Variants in MOK observed in about 807,000 individuals in gnomAD.
The protein encoded by MOK is MAPK/MAK/MRK overlapping kinase.
A neutral mutation model predicts 54.2 loss-of-function variants in MOK; 59 were observed. That is an observed-to-expected ratio of 1.09 (90% CI 0.88 to 1.35). The LOEUF (loss-of-function observed/expected upper bound fraction) is 1.35, where lower values mean the gene tolerates loss of function less well. Ranked by LOEUF, MOK falls within the 40% of genes most tolerant of loss-of-function variation. The probability of loss-of-function intolerance (pLI) is 0.00; values close to 1 mark genes in which losing one functional copy is unlikely to be tolerated. For missense variants in MOK, 517 were observed against 526.2 expected, an observed-to-expected ratio of 0.98 and a Z score of 0.17; for synonymous variants, 210 against 202.7, an observed-to-expected ratio of 1.04 and a Z score of -0.31.
the MOK span, among the ~76,000 whole-genome samples, chr14:102,216,565 G>T: frequency 6.6e-6 from 1 of 152,120 alleles, no homozygotes; most frequent in East Asian, 1.9e-4. Context: ...AGCAAGTTTT[G>T]TTTTTTTAAG....
At chr14:102,229,418 C>G (rs1039013741) in intron 11 of MOK, 39 bp downstream of exon 11, 2 of 1,613,908 alleles carry the variant, frequency 1.2e-6, no homozygotes, top group African/African-American at 2.7e-5. Context: ...TGGGCTGGGT[C>G]GAAGAGCAGC....
intron 4 of MOK, chr14:102,260,478 C>T (rs1352513870): frequency 6.6e-6 from 1 of 152,152 alleles, no homozygotes; most frequent in African/African-American, 2.4e-5. Context: ...TTATCATTAT[C>T]ATTATATTTC....
At chr14:102,293,131 T>A in intron 1 of MOK, among the ~76,000 whole-genome samples, 1 of 151,754 alleles carries the variant, frequency 6.6e-6, no homozygotes, top group Admixed American at 6.6e-5. Context: ...AGATTCCATC[T>A]CAAAAACAAA....
At chr14:102,268,553 G>A (rs777557539) in intron 2 of MOK, among the ~76,000 whole-genome samples, 6 of 152,038 alleles carry the variant, frequency 3.9e-5, no homozygotes, top group Non-Finnish European at 5.9e-5. Context: ...AGAACCAGAT[G>A]ACATTTACCA....
intron 1 of MOK, among the ~76,000 whole-genome samples, chr14:102,298,543 T>C (rs1003172315): frequency 5.9e-5 from 9 of 152,212 alleles, no homozygotes; most frequent in African/African-American, 2.2e-4. Flanking sequence ...AGAACTTTTG[T>C]GTCTAGCTCA....
At chr14:102,293,497 G>A (rs899485011) in intron 1 of MOK, among the ~76,000 whole-genome samples, 16 of 151,730 alleles carry the variant, frequency 1.1e-4, no homozygotes, top group African/African-American at 2.7e-4. Flanking sequence ...TCAGGAGTTC[G>A]AGACCAGCAT....
At chr14:102,303,628 A>T (rs758144651) in intron 1 of MOK, among the ~76,000 whole-genome samples, 1 of 152,228 alleles carries the variant, frequency 6.6e-6, no homozygotes, top group East Asian at 1.9e-4. Flanking sequence ...GTATTGTATC[A>T]TTGTTAAATT....
intron 4 of MOK, among the ~76,000 whole-genome samples, chr14:102,254,708 C>A (rs1407326561): frequency 6.6e-6 from 1 of 152,162 alleles, no homozygotes; most frequent in Non-Finnish European, 1.5e-5. Flanking sequence ...GCAATGGGGC[C>A]CCACAGTCGC....
chr14:102,287,474 C>T lies in MOK; in HGVS notation c.8-3882G>A, dbSNP rs1274011592. Among the ~76,000 whole-genome samples, 8 of 152,130 alleles carry T rather than the reference C, an allele frequency of 5.3e-5. No homozygotes were observed. The East Asian group carries it at 7.7e-4, about 15-fold the overall frequency. ...TATAAAAATTAGCTGAGCATGGCAGCGCTATATATCTGATAAGAAACTTAT... is the reference window on the plus strand; with the variant it reads ...TATAAAAATTAGCTGAGCATGGCAGTGCTATATATCTGATAAGAAACTTAT... On this transcript the variant is annotated intron_variant, in intron 1 of 11. Transcript: ENST00000361847.
the MOK span, among the ~76,000 whole-genome samples, chr14:102,217,393 G>A: frequency 1.3e-5 from 2 of 152,184 alleles, no homozygotes; most frequent in Admixed American, 6.5e-5. Flanking sequence ...GTCTTTCCCC[G>A]GAAGTCTGAA....
chr14:102,298,994 C>G (rs7141129), intron 1 of MOK, among the ~76,000 whole-genome samples: 49,333 of 151,992 alleles, frequency 0.32, 11,721 homozygotes, highest in African/African-American at 0.68. Context: ...AAGAAACTCT[C>G]AACACATCTG....
chr14:102,217,086 C>T, the MOK span, among the ~76,000 whole-genome samples: 12 of 152,316 alleles, frequency 7.9e-5, no homozygotes, highest in African/African-American at 2.6e-4. Context: ...CCAGCCTCCC[C>T]TTTTAGGTGG....
intron 1 of MOK, among the ~76,000 whole-genome samples, chr14:102,287,675 T>TA (rs1875269019): frequency 6.6e-6 from 1 of 152,014 alleles, no homozygotes; most frequent in Non-Finnish European, 1.5e-5. Flanking sequence ...TATGATGAGA[T>TA]ACCACTTCAC....
At chr14:102,251,724 C>G (rs1169211750) in intron 6 of MOK, 32 bp downstream of exon 6, 1 of 1,523,346 alleles carries the variant, frequency 6.6e-7, no homozygotes, top group Non-Finnish European at 9.1e-7. Flanking sequence ...AGCTTTTATT[C>G]TGATACCCAG....
At chr14:102,302,666 C>T (rs1341899429) in intron 1 of MOK, among the ~76,000 whole-genome samples, 7 of 151,948 alleles carry the variant, frequency 4.6e-5, no homozygotes, top group African/African-American at 1.2e-4. Context: ...CTGCCCGCCT[C>T]GGCCTCCCAA....
In MOK at chr14:102,250,924, C is replaced by A; in HGVS notation, c.478G>T (p.Glu160Ter). 6.2e-7 allele frequency: 1 copy of A among 1,614,108 alleles called. No homozygotes were observed. The highest frequency in any genetic ancestry group is 8.5e-7 in the Non-Finnish European group (1 of 1,180,030). ...CGGTACCAGCGGGTGGAGATGTATT[C>A]CGTGTACGGCTGCTTGGAATAGACA... Reference protein sequence around the residue: ...RSVYSKQPYTEYISTRWYRAP... With the variant: ...RSVYSKQPYT The change falls in exon 7 of 12, where the codon GAA becomes TAA. Residue 160 changes from glutamate (E) to a stop codon, truncating the protein, a stop_gained. Transcript: ENST00000361847. LOFTEE classifies it high-confidence loss of function.
intron 4 of MOK, among the ~76,000 whole-genome samples, chr14:102,261,648 C>T (rs1274710404): frequency 6.7e-6 from 1 of 149,090 alleles, no homozygotes; most frequent in Non-Finnish European, 1.5e-5. Context: ...ATTCTCCTGC[C>T]TCAGCCTCCC....
At chr14:102,247,242 G>C (rs562166713) in intron 7 of MOK, among the ~76,000 whole-genome samples, 1 of 152,346 alleles carries the variant, frequency 6.6e-6, no homozygotes, top group South Asian at 2.1e-4. Context: ...AGCAGCTCTA[G>C]CTGGGGCCCT....
chr14:102,225,024 ATTTGGAAGGCAGAAGGAACTACT>A (rs2064187107), downstream of MOK: 1 of 328,182 alleles, frequency 3.0e-6, no homozygotes, highest in East Asian at 8.3e-5. Context: ...CTGCGGGTGT[ATTTGGAAGGCAGAAGGAACTACT>A]TTTGAAAATA....
Sources: allele counts gnomAD v4.1 joint callset (sites outside exome capture counted in the v4.1 genomes callset), GRCh38; gene constraint gnomAD v4.1.1; transcripts MANE v1.5; gene names NCBI Gene and HGNC (gene_info 2026-07-23, HGNC 2026-07-21).